Variants in TOLLIP observed in about 807,000 individuals in gnomAD.
The protein encoded by TOLLIP is toll-interacting protein.
In TOLLIP, 16 loss-of-function variants were observed where a neutral mutation model predicts 33.5. The ratio of observed to expected loss-of-function variants is 0.48; its 90% CI spans 0.32 to 0.72. The LOEUF is 0.72. Ranked by LOEUF, TOLLIP falls within the 30% of genes least tolerant of loss-of-function variation. TOLLIP has a pLI of 0.03. For missense variants in TOLLIP, 325 were observed against 396.6 expected, an observed-to-expected ratio of 0.82 and a Z score of 1.53; for synonymous variants, 176 against 163.7, an observed-to-expected ratio of 1.07 and a Z score of -0.57.
In TOLLIP at chr11:1,290,272, C is replaced by T. The variant is rs144956879; in HGVS notation, c.321G>A (p.Thr107=). The part of the protein sequence containing the change: ...NPRWNKVIHC[T]VPPGVDSFYL... The stretch of plus-strand genomic sequence containing the variant: ...AGAAAGAGTCCACGCCTGGGGGCAC[C>T]GTGCAGTGGATGACCTTATTCCAGC... Residue 107 remains threonine (T), a synonymous_variant, in exon 3 of 6, where the codon ACG becomes ACA. Coordinates refer to ENST00000317204, the MANE Select transcript of TOLLIP (RefSeq NM_019009.4). This position sits in a 1 kb window ranked among gnomAD's most constrained non-coding sequence, Gnocchi z 4.9. 3.5e-4 allele frequency: 567 copies of T among 1,613,436 alleles called. No individual in the cohort carries two copies. Among genetic ancestry groups the T allele is most frequent in the Non-Finnish European group, 4.6e-4 (540 of 1,179,986 alleles).
At chr11:1,305,870 G>A (rs1864408911) in intron 1 of TOLLIP, 2 of 151,808 alleles carry the variant, frequency 1.3e-5, no homozygotes, top group Admixed American at 6.6e-5. Context: ...CTGCAGCGGA[G>A]TCTCCCGCAA....
intron 3 of TOLLIP, among the ~76,000 whole-genome samples, chr11:1,289,516 T>C (rs1210095776): frequency 1.3e-5 from 2 of 152,172 alleles, no homozygotes; most frequent in Non-Finnish European, 2.9e-5. Flanking sequence ...TCACGACCAT[T>C]CGCACCACCA....
At chr11:1,297,647 C>T (rs540054599) in intron 1 of TOLLIP, among the ~76,000 whole-genome samples, 11 of 152,254 alleles carry the variant, frequency 7.2e-5, no homozygotes, top group Non-Finnish European at 1.2e-4. Flanking sequence ...AGCCGTACTG[C>T]GAGAACAAGC....
At chr11:1,305,745 T>A (rs1206270674) in intron 1 of TOLLIP, 1 of 152,336 alleles carries the variant, frequency 6.6e-6, no homozygotes, top group Non-Finnish European at 1.5e-5. Flanking sequence ...CGCCTCCAGC[T>A]GGACTCCATG....
At chr11:1,302,618 C>T (rs997015379) in intron 1 of TOLLIP, 84 of 987,386 alleles carry the variant, frequency 8.5e-5, no homozygotes, top group Non-Finnish European at 9.9e-5. Flanking sequence ...CAGCCAGCCT[C>T]GGCCTCACGC....
At position 1,276,431 on chromosome 11, in the gene TOLLIP, G is replaced by A. The variant is rs548824756; in HGVS notation, c.*608C>T. On this transcript the variant is annotated 3_prime_UTR_variant, in exon 6 of 6. Coordinates refer to ENST00000317204, the MANE Select transcript of TOLLIP (RefSeq NM_019009.4). The stretch of plus-strand genomic sequence containing the variant: ...GGGTTCATTCTGCCTTCAGGCCGGA[G>A]TCTGTCACAAGGCTGGCTGGACAGT... 2.0e-5 allele frequency: 6 copies of A among 301,424 alleles called. No homozygotes were observed. The highest frequency in any genetic ancestry group is 1.8e-4 in the South Asian group (6 of 33,968). 18.7% of individuals were successfully genotyped at this position (301,424 alleles called of 1,614,324 possible). A position where few individuals can be genotyped will look rare whatever the true frequency, so the allele number is the denominator to read the frequency against.
Position 1,306,715 on chromosome 11 carries a change from C to T in TOLLIP, c.33+2751G>A, listed in dbSNP as rs537598920. On this transcript the variant is annotated intron_variant, in intron 1 of 5. Coordinates refer to ENST00000317204, the MANE Select transcript of TOLLIP (RefSeq NM_019009.4). ...GCCCTGCCTTGCGTGTGCCAGGCAA[C>T]ACTTTACAGAGTGCTGCGCTGAGCC... Among the ~76,000 whole-genome samples the T allele has an allele frequency of 3.9e-4, 60 of 152,148 alleles. 1 individual carries two copies. The highest frequency in any genetic ancestry group is 1.3e-3 in the Admixed American group (20 of 15,286).
At chr11:1,307,564 G>A (rs568134734) in intron 1 of TOLLIP, among the ~76,000 whole-genome samples, 44 of 152,348 alleles carry the variant, frequency 2.9e-4, no homozygotes, top group African/African-American at 9.9e-4. Flanking sequence ...GGCAGAGGAT[G>A]TCTCCCAGAC....
rs1030535107 is a variant in TOLLIP at position 1,290,119 on chromosome 11, C to T, written c.366+108G>A. ...ACCCAATGAAACACCAGGTGGGGAG[C>T]CACGCCTCGAAGCCAGCCAGGAACG... On this transcript the variant is annotated intron_variant, in intron 3 of 5. Coordinates refer to ENST00000317204, the MANE Select transcript of TOLLIP (RefSeq NM_019009.4). This position sits in a 1 kb window ranked among gnomAD's most constrained non-coding sequence, Gnocchi z 4.9. The T allele has an allele frequency of 5.2e-6, 6 of 1,147,744 alleles. No homozygotes were observed. The highest frequency in any genetic ancestry group is 1.5e-5 in the African/African-American group (1 of 65,206). The allele number at this position is 1,147,744 out of a possible 1,614,324, so 71.1% of individuals were successfully genotyped here.
intron 1 of TOLLIP, among the ~76,000 whole-genome samples, chr11:1,297,935 G>A (rs1864159308): frequency 6.6e-6 from 1 of 152,230 alleles, no homozygotes; most frequent in Admixed American, 6.5e-5. Context: ...CAGAAGGCCA[G>A]GGCCCTTCGC....
chr11:1,293,933 A>G (rs1467640193), intron 2 of TOLLIP, among the ~76,000 whole-genome samples: 3 of 152,258 alleles, frequency 2.0e-5, no homozygotes, highest in African/African-American at 4.8e-5. Flanking sequence ...AGGGTCTGAG[A>G]CACGCCGCGA....
chr11:1,295,874 C>T, intron 1 of TOLLIP, 80 bp from the exon 2 acceptor site: 1 of 1,462,546 alleles, frequency 6.8e-7, no homozygotes. Flanking sequence ...CCCCGGCATT[C>T]CCGCGGCCCC....
intron 1 of TOLLIP, among the ~76,000 whole-genome samples, chr11:1,300,777 C>T (rs772340970): frequency 7.2e-5 from 11 of 152,230 alleles, no homozygotes; most frequent in Non-Finnish European, 1.3e-4. Context: ...GGAGACATCA[C>T]CCCAAGGAGC....
rs1863895471 is a variant in TOLLIP, at chr11:1,290,381, G to A, written c.212C>T (p.Thr71Ile). The change falls in exon 3 of 6, where the codon ACC becomes ATC. Residue 71 changes from threonine to isoleucine, a missense_variant. Physicochemically the swap from Thr to Ile is moderately conservative, Grantham distance 89. Transcript: ENST00000317204. The surrounding 1 kb of genome is among the most constrained non-coding windows in gnomAD (Gnocchi z 4.9). ...CAGTCGGCAGTAGGGGTCCATGCGG[G>A]TCATGCCGTAATTCTTGGCCAACTT... ...QAKLAKNYGMTRMDPYCRLRL... is the reference protein window; with the variant it reads ...QAKLAKNYGMIRMDPYCRLRL... 1 of 1,612,452 alleles carries A rather than the reference G, an allele frequency of 6.2e-7. No individual in the cohort carries two copies. Among genetic ancestry groups the A allele is most frequent in the Non-Finnish European group, 8.5e-7 (1 of 1,179,122 alleles).
intron 5 of TOLLIP, among the ~76,000 whole-genome samples, 176 bp downstream of exon 5, chr11:1,285,826 G>A (rs1055393550): frequency 6.6e-6 from 1 of 151,082 alleles, no homozygotes; most frequent in Admixed American, 6.6e-5. Flanking sequence ...AAATTCAAAC[G>A]TAAGCCTTGG....
intron 5 of TOLLIP, chr11:1,283,602 C>T (rs1313819234): frequency 2.2e-6 from 1 of 454,460 alleles, no homozygotes; most frequent in South Asian, 1.6e-5. Flanking sequence ...CAATGTCTAT[C>T]AAAAGAAAAT....
chr11:1,284,437 C>T (rs549368813), intron 5 of TOLLIP, among the ~76,000 whole-genome samples: 3 of 152,234 alleles, frequency 2.0e-5, no homozygotes, highest in East Asian at 1.9e-4. Flanking sequence ...CAAGCTCCAC[C>T]TCCTGGGTTC....
rs763706104 is a variant in TOLLIP at position 1,278,367 on chromosome 11, C to T, written c.611-1114G>A. 6.6e-6 allele frequency among the ~76,000 whole-genome samples: 1 copy of T among 152,172 alleles called. No homozygotes were observed. The highest frequency in any genetic ancestry group is 1.5e-5 in the Non-Finnish European group (1 of 68,022). ...AGCTAGGATCACTGGAGCGCTAGAG[C>T]CCCAATCTTAGGATAGGACTTTTGT... On this transcript the variant is annotated intron_variant, in intron 5 of 5. Coordinates refer to ENST00000317204, the MANE Select transcript of TOLLIP (RefSeq NM_019009.4). The surrounding 1 kb of genome is among the most constrained non-coding windows in gnomAD (Gnocchi z 4.7).
At chr11:1,289,559 C>T (rs1471368003) in intron 3 of TOLLIP, among the ~76,000 whole-genome samples, 1 of 152,256 alleles carries the variant, frequency 6.6e-6, no homozygotes, top group Admixed American at 6.5e-5. Context: ...GGCAGCCGCA[C>T]TCTCTGGAAA....
Sources: allele counts gnomAD v4.1 joint callset (sites outside exome capture counted in the v4.1 genomes callset), GRCh38; gene constraint gnomAD v4.1.1; non-coding constraint Gnocchi (gnomAD v3.1); transcripts MANE v1.5; gene names NCBI Gene and HGNC (gene_info 2026-07-23, HGNC 2026-07-21).